PDE6C: variants seen among roughly 807,000 people sequenced by gnomAD.
The protein encoded by PDE6C is cone cGMP-specific 3',5'-cyclic phosphodiesterase subunit alpha'.
In PDE6C, 75 loss-of-function variants were observed where a neutral mutation model predicts 113.1. That is an observed-to-expected ratio of 0.66 (90% CI 0.55 to 0.80). The LOEUF is 0.80. Among genes scored for constraint, PDE6C ranks in the 30% least tolerant of loss-of-function variants. The pLI, the probability that PDE6C is intolerant of heterozygous loss-of-function variation, is 0.00. For synonymous variants in PDE6C, 375 were observed against 363.7 expected, an observed-to-expected ratio of 1.03 and a Z score of -0.35; for missense variants, 912 against 1,038.6, an observed-to-expected ratio of 0.88 and a Z score of 1.67.
At chr10:93,657,426 C>T (rs931644687) in intron 16 of PDE6C, among the ~76,000 whole-genome samples, 2 of 150,002 alleles carry the variant, frequency 1.3e-5, no homozygotes, top group Admixed American at 1.3e-4. Context: ...CCTCGTGATC[C>T]ACCCACCTTG....
intron 13 of PDE6C, 33 bp downstream of exon 13, chr10:93,640,590 C>G (rs2058554738): frequency 7.4e-7 from 1 of 1,347,264 alleles, no homozygotes; most frequent in East Asian, 2.3e-5. Flanking sequence ...CCTTGTAAAC[C>G]TGCAGATTTC....
rs145004736 is a variant in PDE6C at position 93,661,280 on chromosome 10, C to G, written c.2209-779C>G. Among the ~76,000 whole-genome samples the G allele has an allele frequency of 3.4e-3, 517 of 152,326 alleles. 3 individuals carry two copies. Among genetic ancestry groups the G allele is most frequent in the African/African-American group, 0.012 (485 of 41,570 alleles). ...CATGTCATTGCTTCACACTCTAAGCCTGCACTCACAGAAGCTTTGTACGTT... is the reference window on the plus strand; with the variant it reads ...CATGTCATTGCTTCACACTCTAAGCGTGCACTCACAGAAGCTTTGTACGTT... On this transcript the variant is annotated intron_variant, in intron 18 of 21. Transcript: ENST00000371447.
At chr10:93,653,378 C>G (rs777625603) in intron 15 of PDE6C, among the ~76,000 whole-genome samples, 4 of 152,130 alleles carry the variant, frequency 2.6e-5, no homozygotes, top group Admixed American at 2.6e-4. Context: ...CACGGTGGCT[C>G]ATGCCTGTAA....
intron 16 of PDE6C, among the ~76,000 whole-genome samples, chr10:93,658,393 TG>T (rs1408672459): frequency 6.6e-6 from 1 of 152,150 alleles, no homozygotes; most frequent in Non-Finnish European, 1.5e-5. Context: ...AACTTTTTGT[TG>T]GCTATATGTG....
At position 93,612,621 on chromosome 10, in the gene PDE6C, T is replaced by G. The variant is rs923977032; in HGVS notation, c.-105T>G. On this transcript the variant is annotated 5_prime_UTR_variant, in exon 1 of 22. Coordinates refer to ENST00000371447, the MANE Select transcript of PDE6C (RefSeq NM_006204.4). ...GTCCTATGAGGGACCATTTACGGTT[T>G]CCTCAGTAATTTCCACCAGGATGAA... 9.3e-6 allele frequency: 14 copies of G among 1,503,218 alleles called. No individual in the cohort carries two copies. The South Asian group carries it at 1.5e-4, about 16-fold the overall frequency. 93.1% of individuals were successfully genotyped at this position (1,503,218 alleles called of 1,614,324 possible).
intron 15 of PDE6C, among the ~76,000 whole-genome samples, chr10:93,654,442 G>C (rs1018338851): frequency 2.0e-5 from 3 of 152,152 alleles, no homozygotes; most frequent in African/African-American, 7.2e-5. Flanking sequence ...TCTGTGCTGG[G>C]GTCTGTTGTG....
intron 1 of PDE6C, among the ~76,000 whole-genome samples, chr10:93,615,120 C>T (rs2058414146): frequency 6.6e-6 from 1 of 152,078 alleles, no homozygotes; most frequent in East Asian, 1.9e-4. Flanking sequence ...GGGAAACCCC[C>T]GTCTCTACCA....
chr10:93,619,429 C>T (rs1040166229), intron 1 of PDE6C, among the ~76,000 whole-genome samples: 1 of 152,040 alleles, frequency 6.6e-6, no homozygotes, highest in Admixed American at 6.6e-5. Flanking sequence ...CTTTCTTTTT[C>T]TTTTTCTTTT....
At position 93,613,031 on chromosome 10, in the gene PDE6C, G is replaced by A. The variant is rs545034158; in HGVS notation, c.306G>A (p.Arg102=). ...ACCGCTGCAGCATGTTCCTGTGCCG[G>A]TCCCGGAACGGCATACCTGAGGTGG... ...QADRCSMFLC[R]SRNGIPEVAS... The change falls in exon 1 of 22, where the codon CGG becomes CGA. Residue 102 remains arginine, a synonymous_variant. Coordinates refer to ENST00000371447, the MANE Select transcript of PDE6C (RefSeq NM_006204.4). The A allele has an allele frequency of 6.8e-6, 11 of 1,614,166 alleles. No homozygotes were observed. In the East Asian group the frequency reaches 1.8e-4, roughly 26 times the overall value.
At position 93,620,409 on chromosome 10, in the gene PDE6C, G is replaced by T. The variant is rs544824734; in HGVS notation, c.481-223G>T. On this transcript the variant is annotated intron_variant, in intron 1 of 21. Coordinates refer to ENST00000371447, the MANE Select transcript of PDE6C (RefSeq NM_006204.4). Reference sequence around the variant, plus strand: ...CCCAACCTCAGCCTAACCTAAATAGGCCATAGCTCAGGTTGGCAGCGCTTA... The same window carrying T: ...CCCAACCTCAGCCTAACCTAAATAGTCCATAGCTCAGGTTGGCAGCGCTTA... Among the ~76,000 whole-genome samples the T allele has an allele frequency of 5.9e-5, 9 of 152,172 alleles. No individual in the cohort carries two copies. In the South Asian group the frequency reaches 1.9e-3, roughly 32 times the overall value.
chr10:93,661,983 A>G (rs1286385283), intron 18 of PDE6C, 76 bp from the exon 19 acceptor site: 3 of 891,024 alleles, frequency 3.4e-6, no homozygotes, highest in East Asian at 2.4e-5. Flanking sequence ...CGATCCTTAA[A>G]TGTCACTTGT....
At position 93,625,558 on chromosome 10, in the gene PDE6C, A is replaced by C. The variant is rs1344905999; in HGVS notation, c.865-17A>C. On this transcript the variant is annotated splice_polypyrimidine_tract_variant and intron_variant, in intron 4 of 21. Transcript: ENST00000371447. ...GGAACAGTGTGTTTAATGATACTTA[A>C]ATCTGATTGCCTCCAGGAATTCTAC... 1.9e-6 allele frequency: 3 copies of C among 1,578,202 alleles called. No homozygotes were observed. In the African/African-American group the frequency reaches 4.0e-5, roughly 21 times the overall value.
chr10:93,662,477 A>AG (rs2058670428), intron 19 of PDE6C, 83 bp from the exon 20 acceptor site: 1 of 560,162 alleles, frequency 1.8e-6, no homozygotes, highest in East Asian at 3.4e-5. Flanking sequence ...AAAAAAAAAA[A>AG]AAAAAAAGTT....
chr10:93,660,557 A>T (rs989145016), intron 18 of PDE6C, among the ~76,000 whole-genome samples: 3 of 152,088 alleles, frequency 2.0e-5, no homozygotes, highest in Non-Finnish European at 2.9e-5. Context: ...TCAGGGGAGA[A>T]GGTCGGGGGA....
intron 15 of PDE6C, among the ~76,000 whole-genome samples, chr10:93,651,028 T>C (rs1267583540): frequency 1.3e-5 from 2 of 152,240 alleles, no homozygotes; most frequent in Non-Finnish European, 2.9e-5. Context: ...GATTTGTCAA[T>C]TTACAAACAC....
intron 1 of PDE6C, among the ~76,000 whole-genome samples, chr10:93,616,023 C>T (rs2058417894): frequency 6.6e-6 from 1 of 152,200 alleles, no homozygotes. Context: ...GTAAGATTTG[C>T]AACGGGAAAG....
chr10:93,640,225 G>T lies in PDE6C; in HGVS notation c.1629+9G>T, dbSNP rs918515059. 17 of 1,610,110 alleles carry T rather than the reference G, an allele frequency of 1.1e-5. No individual in the cohort carries two copies. Among genetic ancestry groups the T allele is most frequent in the Non-Finnish European group, 1.4e-5 (16 of 1,176,384 alleles). On this transcript the variant is annotated intron_variant, in intron 12 of 21. Transcript: ENST00000371447. The stretch of plus-strand genomic sequence containing the variant: ...TCAAAGTACCTGTAGAGGTCAGAGG[G>T]TATTTAATTTAAAATACTGTGTGAT...
At chr10:93,615,002 C>T (rs1679890139) in intron 1 of PDE6C, among the ~76,000 whole-genome samples, 1 of 152,188 alleles carries the variant, frequency 6.6e-6, no homozygotes, top group African/African-American at 2.4e-5. Context: ...TACATTAAAA[C>T]CATATTAAGC....
chr10:93,654,000 C>A (rs1657208200), intron 15 of PDE6C, among the ~76,000 whole-genome samples: 1 of 152,152 alleles, frequency 6.6e-6, no homozygotes, highest in Non-Finnish European at 1.5e-5. Flanking sequence ...AATGACTGAG[C>A]CATATTTGGT....
Sources: allele counts gnomAD v4.1 joint callset (sites outside exome capture counted in the v4.1 genomes callset), GRCh38; gene constraint gnomAD v4.1.1; transcripts MANE v1.5; gene names NCBI Gene and HGNC (gene_info 2026-07-23, HGNC 2026-07-21).